The following PBX3 variants were observed in gnomAD, a reference collection of about 807,000 sequenced individuals.
PBX3 encodes the protein PBX homeobox 3, also known as pre-B-cell leukemia transcription factor 3.
A neutral mutation model predicts 48.5 loss-of-function variants in PBX3; 14 were observed. The observed-to-expected ratio is 0.29, with a 90% CI of 0.19 to 0.45. The LOEUF is 0.45. Ranked by LOEUF, PBX3 falls within the 20% of genes least tolerant of loss-of-function variation. The probability of loss-of-function intolerance (pLI) is 1.00; values close to 1 mark genes in which losing one functional copy is unlikely to be tolerated. For missense variants in PBX3, 386 were observed against 546.7 expected, an observed-to-expected ratio of 0.71 and a Z score of 2.93; for synonymous variants, 210 against 200.3, an observed-to-expected ratio of 1.05 and a Z score of -0.41.
At chr9:125,773,187 G>A (rs184212356) in intron 2 of PBX3, among the ~76,000 whole-genome samples, 42 of 152,296 alleles carry the variant, frequency 2.8e-4, no homozygotes, top group African/African-American at 9.4e-4. Flanking sequence ...GATCAGTGAC[G>A]ATATGTATTT....
At chr9:125,931,378 C>T (rs1190706186) in intron 4 of PBX3, among the ~76,000 whole-genome samples, 1 of 152,204 alleles carries the variant, frequency 6.6e-6, no homozygotes, top group Non-Finnish European at 1.5e-5. Context: ...TCATGGCTCA[C>T]TGCAGCCTCG....
chr9:125,748,127 T>C, intron 1 of PBX3: 1 of 568,710 alleles, frequency 1.8e-6, no homozygotes, highest in Non-Finnish European at 2.2e-6. Context: ...GGCCAAGTTC[T>C]CGGAGAGGGA....
chr9:125,914,160 A>C (rs1442818361), intron 2 of PBX3, among the ~76,000 whole-genome samples: 1 of 152,222 alleles, frequency 6.6e-6, no homozygotes, highest in Non-Finnish European at 1.5e-5. Context: ...TTTAATTATC[A>C]GCAGTGTGTT....
chr9:125,829,503 A>G (rs914392675), intron 2 of PBX3, among the ~76,000 whole-genome samples: 1 of 152,182 alleles, frequency 6.6e-6, no homozygotes, highest in Non-Finnish European at 1.5e-5. Flanking sequence ...TTAATTTGCT[A>G]GTCAGGGGTT....
chr9:125,906,838 A>G (rs1841084235), intron 2 of PBX3, among the ~76,000 whole-genome samples: 1 of 152,034 alleles, frequency 6.6e-6, no homozygotes, highest in Non-Finnish European at 1.5e-5. Context: ...CTGAAATACT[A>G]ATTGAGAGGA....
At position 125,801,321 on chromosome 9, in the gene PBX3, T is replaced by C. The variant is rs76284800; in HGVS notation, c.274+52698T>C. ...CTGCCTTGTCTTCAGCAAAATTCCA[T>C]TGGTGTATCTGTCTATATAAGACAC... On this transcript the variant is annotated intron_variant, in intron 2 of 8. Coordinates refer to ENST00000373489, the MANE Select transcript of PBX3 (RefSeq NM_006195.6). 6.4e-4 allele frequency among the ~76,000 whole-genome samples: 97 copies of C among 152,304 alleles called. 6 individuals carry two copies. In the East Asian group the frequency reaches 0.015, roughly 24 times the overall value.
chr9:125,871,164 C>T (rs1043840283), intron 2 of PBX3, among the ~76,000 whole-genome samples: 4 of 152,060 alleles, frequency 2.6e-5, no homozygotes, highest in East Asian at 3.9e-4. Context: ...TTTGGGAGGC[C>T]GAGGTGGGCA....
At chr9:125,962,946 T>A (rs1842459873) in intron 7 of PBX3, 66 bp from the exon 8 acceptor site, 1 of 814,456 alleles carries the variant, frequency 1.2e-6, no homozygotes, top group Non-Finnish European at 2.0e-6. Context: ...TCAAATTATT[T>A]CCTTTTGTAA....
intron 5 of PBX3, chr9:125,949,462 G>C: frequency 1.3e-6 from 2 of 1,550,544 alleles, no homozygotes; most frequent in Non-Finnish European, 1.7e-6. Flanking sequence ...CAGGCTCCCT[G>C]AAGGTATGAG....
intron 2 of PBX3, among the ~76,000 whole-genome samples, chr9:125,914,546 T>A (rs1359914510): frequency 6.6e-6 from 1 of 150,382 alleles, no homozygotes; most frequent in Non-Finnish European, 1.5e-5. Context: ...ATAGATGTTA[T>A]GTCATGTAAG....
At chr9:125,916,020 G>A in intron 3 of PBX3, 93 bp downstream of exon 3, 1 of 1,484,238 alleles carries the variant, frequency 6.7e-7, no homozygotes, top group South Asian at 1.3e-5. Flanking sequence ...TGAGGGGTAG[G>A]TGTTAACACA....
At position 125,841,996 on chromosome 9, in the gene PBX3, AT is replaced by A. The variant is rs1182392609; in HGVS notation, c.275-73686del. ...TATATTTTATCTGAAATATGAGATG[AT>A]TTTATGAGACATTTATAATTCAGAA... On this transcript the variant is annotated intron_variant, in intron 2 of 8. Transcript: ENST00000373489. Among the ~76,000 whole-genome samples the A allele has an allele frequency of 2.6e-5, 4 of 151,930 alleles. No homozygotes were observed. In the East Asian group the frequency reaches 6.0e-4, roughly 23 times the overall value.
intron 2 of PBX3, among the ~76,000 whole-genome samples, chr9:125,813,730 G>A (rs1359832614): frequency 6.6e-6 from 1 of 151,840 alleles, no homozygotes; most frequent in African/African-American, 2.4e-5. Context: ...GGAATCAACC[G>A]TTTCTTTAAG....
At chr9:125,774,023 A>G (rs1837008626) in intron 2 of PBX3, among the ~76,000 whole-genome samples, 1 of 152,194 alleles carries the variant, frequency 6.6e-6, no homozygotes. Flanking sequence ...CTATAAATAA[A>G]TAACTGAGAC....
intron 2 of PBX3, among the ~76,000 whole-genome samples, chr9:125,875,860 A>G (rs1000902109): frequency 6.6e-6 from 1 of 152,160 alleles, no homozygotes; most frequent in Non-Finnish European, 1.5e-5. Context: ...GATGCTGGTG[A>G]TAGTTACAAA....
chr9:125,815,156 A>G (rs1182081235), intron 2 of PBX3, among the ~76,000 whole-genome samples: 2 of 152,196 alleles, frequency 1.3e-5, no homozygotes, highest in Non-Finnish European at 2.9e-5. Flanking sequence ...CTTCAGGGTA[A>G]CTTTCTGGGT....
intron 2 of PBX3, among the ~76,000 whole-genome samples, chr9:125,859,488 T>C (rs1183185556): frequency 6.6e-6 from 1 of 152,258 alleles, no homozygotes; most frequent in Non-Finnish European, 1.5e-5. Flanking sequence ...TTGGTGCTTT[T>C]TGTTCTCTTG....
chr9:125,958,969 G>A (rs1842368155), intron 5 of PBX3, among the ~76,000 whole-genome samples: 1 of 152,184 alleles, frequency 6.6e-6, no homozygotes, highest in Admixed American at 6.5e-5. Flanking sequence ...CATACACCAT[G>A]TAAGAGCCTG....
chr9:125,851,870 C>CTTT (rs1164910184), intron 2 of PBX3, among the ~76,000 whole-genome samples: 1,507 of 121,416 alleles, frequency 0.012, 36 homozygotes, highest in African/African-American at 0.041. Flanking sequence ...ATTTTTGCTG[C>CTTT]TTTTTTTTTT....
Sources: allele counts gnomAD v4.1 joint callset (sites outside exome capture counted in the v4.1 genomes callset), GRCh38; gene constraint gnomAD v4.1.1; transcripts MANE v1.5; gene names NCBI Gene and HGNC (gene_info 2026-07-23, HGNC 2026-07-21).